The following RRAS2 variants were observed in gnomAD, a reference collection of about 807,000 sequenced individuals.
The protein encoded by RRAS2 is RAS related 2, also known as ras-related protein R-Ras2.
A neutral mutation model predicts 27.6 loss-of-function variants in RRAS2; 7 were observed. The ratio of observed to expected loss-of-function variants is 0.25; its 90% CI spans 0.14 to 0.48. RRAS2 has a LOEUF of 0.48. Among genes scored for constraint, RRAS2 ranks in the 20% least tolerant of loss-of-function variants. The pLI, the probability that RRAS2 is intolerant of heterozygous loss-of-function variation, is 0.99. For synonymous variants in RRAS2, 86 were observed against 90.9 expected, an observed-to-expected ratio of 0.95 and a Z score of 0.31; for missense variants, 178 against 256.2, an observed-to-expected ratio of 0.69 and a Z score of 2.08.
intron 1 of RRAS2, among the ~76,000 whole-genome samples, chr11:14,344,307 A>G (rs1848783839): frequency 6.6e-6 from 1 of 152,162 alleles, no homozygotes; most frequent in Non-Finnish European, 1.5e-5. Flanking sequence ...CTTTTGTTTC[A>G]CATTTCCACT....
At chr11:14,329,095 A>ACG (rs1420740090) in intron 1 of RRAS2, among the ~76,000 whole-genome samples, 3 of 139,496 alleles carry the variant, frequency 2.2e-5, no homozygotes, top group African/African-American at 7.5e-5. Context: ...ACACACACAC[A>ACG]CACGCATATA....
At chr11:14,307,115 C>T (rs1452896830) in intron 1 of RRAS2, among the ~76,000 whole-genome samples, 2 of 151,250 alleles carry the variant, frequency 1.3e-5, no homozygotes, top group African/African-American at 4.9e-5. Context: ...CATGGGAGCT[C>T]GGGAAGTCAA....
chr11:14,351,570 T>C (rs1170942919), intron 1 of RRAS2, among the ~76,000 whole-genome samples: 1 of 151,898 alleles, frequency 6.6e-6, no homozygotes, highest in Admixed American at 6.6e-5. Context: ...CTACTAAAAA[T>C]ACAAAAATTA....
intron 1 of RRAS2, among the ~76,000 whole-genome samples, chr11:14,300,522 G>A (rs1285680683): frequency 6.6e-6 from 1 of 152,148 alleles, no homozygotes; most frequent in Non-Finnish European, 1.5e-5. Context: ...TGAGGTTGCA[G>A]TGAGCCATGA....
rs1847459759 is a variant in RRAS2, at chr11:14,293,152, T to G, written c.408+1319A>C. Among the ~76,000 whole-genome samples, 3 of 136,370 alleles carry G rather than the reference T, an allele frequency of 2.2e-5. No individual in the cohort carries two copies. In the Admixed American group the frequency reaches 2.2e-4, roughly 10 times the overall value. 89.5% of individuals were successfully genotyped at this position (136,370 alleles called of 152,430 possible). A position where few individuals can be genotyped will look rare whatever the true frequency, so the allele number is the denominator to read the frequency against. ...ATATATATATATATATATATATATA[T>G]ATATATATATCATTTTCTCTTAAGT... On this transcript the variant is annotated intron_variant, in intron 4 of 5. Transcript: ENST00000256196.
intron 4 of RRAS2, among the ~76,000 whole-genome samples, chr11:14,291,814 G>A (rs1847402362): frequency 6.6e-6 from 1 of 152,144 alleles, no homozygotes; most frequent in South Asian, 2.1e-4. Context: ...CTTCAGTACA[G>A]GTTGAATACC....
intron 1 of RRAS2, among the ~76,000 whole-genome samples, chr11:14,356,267 A>C (rs533911035): frequency 3.9e-5 from 6 of 152,086 alleles, no homozygotes; most frequent in Admixed American, 1.3e-4. Context: ...CCACTTCCCC[A>C]CTTGCCACCT....
At chr11:14,340,389 C>A (rs1339528119) in intron 1 of RRAS2, among the ~76,000 whole-genome samples, 4 of 152,028 alleles carry the variant, frequency 2.6e-5, no homozygotes, top group Admixed American at 2.6e-4. Flanking sequence ...GAGTGAGCCA[C>A]CGCACTCAGC....
chr11:14,279,661 T>C (rs1554944025), intron 5 of RRAS2, among the ~76,000 whole-genome samples: 2 of 152,210 alleles, frequency 1.3e-5, no homozygotes, highest in African/African-American at 2.4e-5. Flanking sequence ...GACGAGATAC[T>C]AGACTCAGTA....
chr11:14,334,440 T>C (rs1387107332), intron 1 of RRAS2, among the ~76,000 whole-genome samples: 1 of 152,114 alleles, frequency 6.6e-6, no homozygotes, highest in Non-Finnish European at 1.5e-5. Flanking sequence ...GTTGATCATA[T>C]CCATTAAGTT....
upstream of RRAS2, among the ~76,000 whole-genome samples, chr11:14,360,748 G>T (rs1849180756): frequency 6.7e-6 from 1 of 149,268 alleles, no homozygotes. Context: ...ATGGCTAAAC[G>T]CATCTCTACT....
chr11:14,317,815 CAGCAAGTCAGGA>C (rs1848144457), intron 1 of RRAS2, among the ~76,000 whole-genome samples: 1 of 152,196 alleles, frequency 6.6e-6, no homozygotes, highest in African/African-American at 2.4e-5. Flanking sequence ...CCTGTAATCT[CAGCAAGTCAGGA>C]AGCCAAGGCT....
intron 1 of RRAS2, among the ~76,000 whole-genome samples, chr11:14,316,795 T>C (rs184733614): frequency 3.3e-4 from 50 of 152,332 alleles, no homozygotes; most frequent in African/African-American, 1.2e-3. Context: ...CTAACACTTA[T>C]TAAGATATCC....
intron 1 of RRAS2, among the ~76,000 whole-genome samples, chr11:14,314,451 C>A (rs1848048214): frequency 6.6e-6 from 1 of 152,054 alleles, no homozygotes; most frequent in African/African-American, 2.4e-5. Context: ...ATAAGAAGTG[C>A]AGAAAAGCAA....
At chr11:14,309,677 T>G (rs1554948581) in intron 1 of RRAS2, among the ~76,000 whole-genome samples, 1 of 152,094 alleles carries the variant, frequency 6.6e-6, no homozygotes, top group African/African-American at 2.4e-5. Context: ...GAGGGAACAT[T>G]AAGTTAAAGG....
intron 1 of RRAS2, among the ~76,000 whole-genome samples, chr11:14,301,465 A>T (rs1334349225): frequency 6.6e-6 from 1 of 151,720 alleles, no homozygotes. Context: ...TCAACACCAC[A>T]TATATCTTAT....
chr11:14,307,945 G>C (rs1259425284), intron 1 of RRAS2, among the ~76,000 whole-genome samples: 1 of 152,062 alleles, frequency 6.6e-6, no homozygotes, highest in Non-Finnish European at 1.5e-5. Context: ...GAAATGATAT[G>C]TACAAGGTTG....
At chr11:14,282,898 G>C (rs1849578271) in intron 4 of RRAS2, among the ~76,000 whole-genome samples, 1 of 152,100 alleles carries the variant, frequency 6.6e-6, no homozygotes, top group East Asian at 1.9e-4. Context: ...CTTGCTTTTT[G>C]ATGTGGATAT....
chr11:14,302,073 TACACACACACACACACACAC>T (rs57730782), intron 1 of RRAS2, among the ~76,000 whole-genome samples: 1 of 142,362 alleles, frequency 7.0e-6, no homozygotes, highest in African/African-American at 2.6e-5. Context: ...ACCACACACA[TACACACACACACACACACAC>T]ACACACACAC....
Sources: gnomAD v4.1 joint callset for allele counts (sites outside exome capture counted in the v4.1 genomes callset) on GRCh38, gnomAD v4.1.1 for gene constraint, MANE v1.5 for transcripts, NCBI Gene and HGNC (gene_info 2026-07-23, HGNC 2026-07-21) for gene names.